ACTR3C: variants seen among roughly 807,000 people sequenced by gnomAD.
ACTR3C encodes the protein actin related protein 3C.
A neutral mutation model predicts 26.3 loss-of-function variants in ACTR3C; 18 were observed. That is an observed-to-expected ratio of 0.68 (90% CI 0.47 to 1.01). The LOEUF (loss-of-function observed/expected upper bound fraction) is 1.01. ACTR3C is among the 50% of genes least tolerant of loss of function. The pLI, the probability that ACTR3C is intolerant of heterozygous loss-of-function variation, is 0.00. For missense variants in ACTR3C, 184 were observed against 250.7 expected, an observed-to-expected ratio of 0.73 and a Z score of 1.80; for synonymous variants, 55 against 94.5, an observed-to-expected ratio of 0.58 and a Z score of 2.42.
the ACTR3C span, among the ~76,000 whole-genome samples, chr7:150,044,395 T>C: frequency 1.3e-5 from 2 of 152,068 alleles, no homozygotes; most frequent in African/African-American, 4.8e-5. Flanking sequence ...TAATTGACTT[T>C]ATATTTAAAT....
the ACTR3C span, chr7:150,005,268 C>T: frequency 6.6e-6 from 1 of 151,980 alleles, no homozygotes; most frequent in Non-Finnish European, 1.5e-5. Flanking sequence ...CTGTGAGAAC[C>T]CCTTTCTGCA....
chr7:150,254,239 G>A (rs1833051553), intron 6 of ACTR3C, among the ~76,000 whole-genome samples: 1 of 152,098 alleles, frequency 6.6e-6, no homozygotes, highest in African/African-American at 2.4e-5. Context: ...AGAACCAGTG[G>A]GGTGTTTGGA....
the ACTR3C span, among the ~76,000 whole-genome samples, chr7:150,146,584 T>C: frequency 6.6e-6 from 1 of 152,250 alleles, no homozygotes; most frequent in African/African-American, 2.4e-5. Context: ...CTATTCCACA[T>C]TTCTTGGCCT....
intron 1 of ACTR3C, among the ~76,000 whole-genome samples, chr7:150,309,756 C>T (rs371485613): frequency 1.6e-4 from 25 of 152,274 alleles, no homozygotes; most frequent in African/African-American, 5.1e-4. Context: ...ACTTCTAGGG[C>T]CCCTGGAGCT....
chr7:149,989,613 T>C, the ACTR3C span, among the ~76,000 whole-genome samples: 1 of 152,262 alleles, frequency 6.6e-6, no homozygotes, highest in African/African-American at 2.4e-5. Context: ...CAGACTCTCC[T>C]GCTTTTTTAA....
chr7:150,122,434 AACAG>A, the ACTR3C span, among the ~76,000 whole-genome samples: 5 of 152,340 alleles, frequency 3.3e-5, no homozygotes, highest in African/African-American at 1.2e-4. Context: ...AAAGGATATG[AACAG>A]ACACTTTTCA....
chr7:150,157,871 C>T, the ACTR3C span, among the ~76,000 whole-genome samples: 2 of 152,144 alleles, frequency 1.3e-5, no homozygotes, highest in South Asian at 2.1e-4. Context: ...TAGGGATGAG[C>T]AGACATGATG....
chr7:150,247,269 T>C lies in ACTR3C; in HGVS notation c.*339A>G, dbSNP rs1339286865. ...TTTCCCTCTCTCTCTCCAGGTGAAG[T>C]TTGTGCAAGCGTGAGTTAAGAGATT... On this transcript the variant is annotated 3_prime_UTR_variant, in exon 8 of 8. Transcript: ENST00000683684. The C allele has an allele frequency of 6.6e-6, 1 of 152,224 alleles. No individual in the cohort carries two copies. Among genetic ancestry groups the C allele is most frequent in the Admixed American group, 6.5e-5 (1 of 15,276 alleles). 9.4% of individuals were successfully genotyped at this position (152,224 alleles called of 1,614,324 possible).
At chr7:150,053,722 C>G in the ACTR3C span, among the ~76,000 whole-genome samples, 1 of 152,250 alleles carries the variant, frequency 6.6e-6, no homozygotes, top group Non-Finnish European at 1.5e-5. Flanking sequence ...CCAGTGTCAA[C>G]TCATCAAATC....
the ACTR3C span, among the ~76,000 whole-genome samples, chr7:150,091,548 C>CA: frequency 0.46 from 27,223 of 58,776 alleles, 7,026 homozygotes; most frequent in East Asian, 0.77. Flanking sequence ...CATCAGCTTC[C>CA]AAAAAAAAAG....
intron 6 of ACTR3C, among the ~76,000 whole-genome samples, chr7:150,276,607 A>G (rs4015671): frequency 0.24 from 36,773 of 152,178 alleles, 7,232 homozygotes; most frequent in African/African-American, 0.54. Context: ...AGCCCTCAAC[A>G]GCCGCCTGAT....
chr7:150,135,640 G>A, the ACTR3C span, among the ~76,000 whole-genome samples: 1 of 152,150 alleles, frequency 6.6e-6, no homozygotes, highest in Non-Finnish European at 1.5e-5. Context: ...AGATACACTG[G>A]ATAAGAGCCA....
At chr7:150,158,909 ACACACACGTG>A in the ACTR3C span, among the ~76,000 whole-genome samples, 2 of 149,442 alleles carry the variant, frequency 1.3e-5, no homozygotes, top group South Asian at 4.3e-4. Context: ...ACACGTGCGC[ACACACACGTG>A]CACACACATG....
At chr7:150,275,468 C>T (rs570697806) in intron 6 of ACTR3C, among the ~76,000 whole-genome samples, 3 of 152,170 alleles carry the variant, frequency 2.0e-5, no homozygotes, top group Non-Finnish European at 2.9e-5. Flanking sequence ...CCCAGCACTT[C>T]GGGAGGCCGA....
chr7:150,165,077 C>T, the ACTR3C span, among the ~76,000 whole-genome samples: 1 of 152,156 alleles, frequency 6.6e-6, no homozygotes, highest in African/African-American at 2.4e-5. Context: ...TGCCGCACTC[C>T]GAAAGCCAAG....
chr7:150,120,621 G>T, the ACTR3C span, among the ~76,000 whole-genome samples: 1 of 152,004 alleles, frequency 6.6e-6, no homozygotes, highest in Non-Finnish European at 1.5e-5. Context: ...AAAAAGCCCA[G>T]GACCAGACGG....
chr7:149,969,218 T>C, the ACTR3C span, among the ~76,000 whole-genome samples: 4 of 151,776 alleles, frequency 2.6e-5, no homozygotes, highest in African/African-American at 9.7e-5. Context: ...TGGCCAACAT[T>C]GGGAAACAAT....
At chr7:150,238,868 T>A in the ACTR3C span, among the ~76,000 whole-genome samples, 1 of 146,320 alleles carries the variant, frequency 6.8e-6, no homozygotes, top group African/African-American at 2.7e-5. Context: ...ATGCATGTGC[T>A]TTTTGAATTG....
chr7:149,970,602 G>C, the ACTR3C span, among the ~76,000 whole-genome samples: 1 of 152,006 alleles, frequency 6.6e-6, no homozygotes, highest in Non-Finnish European at 1.5e-5. Context: ...AAAATTATAT[G>C]GTCACCCTAC....
Sources: allele counts gnomAD v4.1 joint callset (sites outside exome capture counted in the v4.1 genomes callset), GRCh38; gene constraint gnomAD v4.1.1; transcripts MANE v1.5; gene names NCBI Gene and HGNC (gene_info 2026-07-23, HGNC 2026-07-21).